The following DMD variants were observed in gnomAD, a reference collection of about 807,000 sequenced individuals.
DMD encodes the protein dystrophin.
In DMD, 63 loss-of-function variants were observed where a neutral mutation model predicts 330.1. That is an observed-to-expected ratio of 0.19 (90% CI 0.16 to 0.24). The LOEUF (loss-of-function observed/expected upper bound fraction) is 0.24, where lower values mean the gene tolerates loss of function less well. DMD is among the 10% of genes least tolerant of loss of function. The pLI is 1.00. For synonymous variants in DMD, 1,223 were observed against 959.8 expected (o/e 1.27, Z -5.07); for missense variants, 3,344 against 2,684.1 (o/e 1.25, Z -5.43).
At chrX:32,121,935 C>T (rs963134323) in intron 44 of DMD, among the ~76,000 whole-genome samples, 3 of 109,436 alleles carry the variant, frequency 2.7e-5, no homozygotes, top group African/African-American at 1.0e-4. Context: ...AAGGAGTAAA[C>T]GTGAATATGA....
chrX:31,906,040 C>G (rs1486249557), intron 47 of DMD, among the ~76,000 whole-genome samples: 1 of 111,926 alleles, frequency 8.9e-6, no homozygotes, highest in South Asian at 3.7e-4. Flanking sequence ...AACCCCCACA[C>G]GTCCTGGGAG....
intron 29 of DMD, among the ~76,000 whole-genome samples, chrX:32,429,116 T>C (rs1219457146): frequency 9.0e-6 from 1 of 110,529 alleles, no homozygotes; most frequent in African/African-American, 3.3e-5. Context: ...TTTGATGCTT[T>C]ATTCTGAAAA....
intron 76 of DMD, among the ~76,000 whole-genome samples, chrX:31,135,227 A>C (rs1425838636): frequency 8.9e-6 from 1 of 112,078 alleles, no homozygotes; most frequent in Non-Finnish European, 1.9e-5. Context: ...AGAATTGAAC[A>C]CTTTGCAGTC....
chrX:32,663,251 C>A (rs2061066287), intron 9 of DMD, among the ~76,000 whole-genome samples: 1 of 111,009 alleles, frequency 9.0e-6, no homozygotes, highest in South Asian at 3.8e-4. Context: ...CTTTTAGTAT[C>A]TACTCATTAG....
intron 53 of DMD, among the ~76,000 whole-genome samples, chrX:31,669,234 C>A (rs1181327325): frequency 8.9e-6 from 1 of 111,936 alleles, no homozygotes; most frequent in Non-Finnish European, 1.9e-5. Context: ...CAATGATATA[C>A]AAGTGTTACC....
intron 44 of DMD, among the ~76,000 whole-genome samples, chrX:32,156,621 G>A (rs1037251962): frequency 1.1e-4 from 10 of 93,907 alleles, no homozygotes; most frequent in African/African-American, 4.3e-4. Context: ...ACTTTTGAAT[G>A]ACAAAAGGAT....
intron 50 of DMD, among the ~76,000 whole-genome samples, chrX:31,779,234 C>T (rs940769241): frequency 1.8e-5 from 2 of 112,016 alleles, no homozygotes; most frequent in African/African-American, 6.5e-5. Context: ...ATAGAATTTT[C>T]AATGATGTTC....
chrX:33,113,009 G>T (rs993325127), intron 1 of DMD, among the ~76,000 whole-genome samples: 15 of 108,980 alleles, frequency 1.4e-4, no homozygotes, highest in Non-Finnish European at 2.7e-4. Flanking sequence ...AAAGAAATAT[G>T]CTGGATACCG....
At chrX:32,818,892 G>A (rs900812746) in intron 5 of DMD, among the ~76,000 whole-genome samples, 2 of 110,605 alleles carry the variant, frequency 1.8e-5, no homozygotes, top group Non-Finnish European at 3.8e-5. Flanking sequence ...AACTCTGAGG[G>A]GTCATCCTAG....
intron 9 of DMD, among the ~76,000 whole-genome samples, chrX:32,659,168 C>G (rs1244356933): frequency 8.9e-6 from 1 of 112,011 alleles, no homozygotes; most frequent in African/African-American, 3.2e-5. Flanking sequence ...ATTGACACAT[C>G]TTTTCTAACT....
intron 50 of DMD, among the ~76,000 whole-genome samples, chrX:31,780,248 C>T (rs938266268): frequency 2.7e-5 from 3 of 112,249 alleles, no homozygotes; most frequent in Non-Finnish European, 3.8e-5. Flanking sequence ...GCAAGAAGCA[C>T]ATACTCTATT....
chrX:31,187,786 A>G (rs938060306), intron 67 of DMD, among the ~76,000 whole-genome samples: 6 of 83,671 alleles, frequency 7.2e-5, no homozygotes, highest in African/African-American at 2.2e-4. Flanking sequence ...AGAGAGAGAG[A>G]GAACAAGCAA....
At position 31,785,099 on chromosome X, in the gene DMD, G is replaced by A. The variant is rs755852205; in HGVS notation, c.7310-10907C>T. 2.1e-4 allele frequency among the ~76,000 whole-genome samples: 24 copies of A among 111,733 alleles called. 1 individual carries two copies. The highest frequency in any genetic ancestry group is 8.6e-4 in the Admixed American group (9 of 10,495). On this transcript the variant is annotated intron_variant, in intron 50 of 78. Coordinates refer to ENST00000357033, the MANE Select transcript of DMD (RefSeq NM_004006.3). ...AGGACACAACGGAATATTATTACTC[G>A]GCCACAAAAAAAGAAGGAAATCCTT...
At chrX:32,359,443 A>G (rs1431816368) in intron 37 of DMD, among the ~76,000 whole-genome samples, 1 of 111,540 alleles carries the variant, frequency 9.0e-6, no homozygotes, top group Non-Finnish European at 1.9e-5. Flanking sequence ...TTTTATCACC[A>G]TAGTATTTTT....
intron 55 of DMD, among the ~76,000 whole-genome samples, chrX:31,562,984 T>C (rs1334445051): frequency 8.9e-6 from 1 of 112,667 alleles, no homozygotes; most frequent in Non-Finnish European, 1.9e-5. Flanking sequence ...ATTTATTGAA[T>C]AAAACACCTT....
Position 31,260,989 on chromosome X carries a change from G to A in DMD, c.9252C>T (p.Asp3084=). 1 of 1,211,100 alleles carries A rather than the reference G, an allele frequency of 8.3e-7. No homozygotes were observed. The change falls in exon 63 of 79, where the codon GAC becomes GAT. Residue 3084 remains aspartate, a synonymous_variant. Coordinates refer to ENST00000357033, the MANE Select transcript of DMD (RefSeq NM_004006.3). ...GGTAGAGCTCTGTCATTTTGGGATG[G>A]TCCCAGCAAGTTGTTTGAGTCTCGT... is the stretch of plus-strand genomic sequence containing the variant. ...INHETQTTCW[D]HPKMTELYQS...
At chrX:32,469,343 T>C (rs1470301580) in intron 22 of DMD, among the ~76,000 whole-genome samples, 2 of 110,234 alleles carry the variant, frequency 1.8e-5, no homozygotes, top group African/African-American at 3.3e-5. Flanking sequence ...ACTTTTACTT[T>C]ATAAAATAAT....
chrX:33,330,237 C>G (rs1238002224), intron 1 of DMD, among the ~76,000 whole-genome samples: 1 of 111,111 alleles, frequency 9.0e-6, no homozygotes. Flanking sequence ...GTTTACCTGT[C>G]TCTTTTTAAT....
chrX:31,813,583 G>A (rs185482917), intron 50 of DMD, among the ~76,000 whole-genome samples: 11 of 112,327 alleles, frequency 9.8e-5, no homozygotes, highest in Admixed American at 1.9e-4. Flanking sequence ...GTGGAACTGT[G>A]AGTCCATTAA....
Sources: gnomAD v4.1 joint callset for allele counts (sites outside exome capture counted in the v4.1 genomes callset) on GRCh38, gnomAD v4.1.1 for gene constraint, MANE v1.5 for transcripts, NCBI Gene and HGNC (gene_info 2026-07-23, HGNC 2026-07-21) for gene names.